Variants in RNF43 observed in about 807,000 individuals in gnomAD.
RNF43 encodes the protein E3 ubiquitin-protein ligase RNF43.
In RNF43, 37 loss-of-function variants were observed where a neutral mutation model predicts 78.4. The observed-to-expected ratio is 0.47, with a 90% confidence interval of 0.36 to 0.62. The LOEUF (loss-of-function observed/expected upper bound fraction) is 0.62. RNF43 is among the 20% of genes least tolerant of loss of function. RNF43 has a pLI of 0.00. For missense variants in RNF43, 774 were observed against 1,007.9 expected, an observed-to-expected ratio of 0.77 and a Z score of 3.14; for synonymous variants, 347 against 395.0, an observed-to-expected ratio of 0.88 and a Z score of 1.44.
intron 2 of RNF43, among the ~76,000 whole-genome samples, chr17:58,410,826 G>A (rs1050570890): frequency 1.3e-5 from 2 of 152,154 alleles, no homozygotes; most frequent in African/African-American, 4.8e-5. Flanking sequence ...AGCAGGATAT[G>A]ATGCACTCTG....
chr17:58,390,053 G>A (rs1973518109), intron 2 of RNF43, among the ~76,000 whole-genome samples: 1 of 152,108 alleles, frequency 6.6e-6, no homozygotes. Context: ...CGGGGTGCAG[G>A]GCAGCATGTC....
chr17:58,381,877 A>G (rs1973326533), intron 2 of RNF43, among the ~76,000 whole-genome samples: 1 of 151,418 alleles, frequency 6.6e-6, no homozygotes, highest in African/African-American at 2.4e-5. Context: ...TTCTCTTCCC[A>G]TGGACGTTTC....
intron 3 of RNF43, among the ~76,000 whole-genome samples, chr17:58,365,037 C>A (rs560378770): frequency 6.6e-6 from 1 of 152,334 alleles, no homozygotes; most frequent in African/African-American, 2.4e-5. Flanking sequence ...GAGCTAGGCC[C>A]AGCCTAGGGC....
intron 2 of RNF43, among the ~76,000 whole-genome samples, chr17:58,411,477 G>A (rs1024615845): frequency 2.6e-5 from 4 of 152,030 alleles, no homozygotes; most frequent in African/African-American, 9.7e-5. Context: ...AAAATTAAGA[G>A]GCAAGCAGAG....
Position 58,358,121 on chromosome 17 carries a change from C to T in RNF43, c.1655G>A (p.Arg552His), listed in dbSNP as rs778996473. Reference sequence around the variant, plus strand: ...CTTTTTGTAGTGGTGGTGCCGGTGGCGGTGGTAGTGGACATGGCTGGAAAC... The same window carrying T: ...CTTTTTGTAGTGGTGGTGCCGGTGGTGGTGGTAGTGGACATGGCTGGAAAC... ...TQVSSHVHYH[R>H]HRHHHYKKRF... is the part of the protein sequence containing the mutation. Residue 552 changes from arginine to histidine, a missense_variant, in exon 9 of 10, where the codon CGC becomes CAC. By Grantham distance (29) the Arg-to-His change is conservative. Transcript: ENST00000407977. This position sits in a 1 kb window ranked among gnomAD's most constrained non-coding sequence, Gnocchi z 6.2. 3 of 1,612,854 alleles carry T rather than the reference C, an allele frequency of 1.9e-6. No homozygotes were observed. Among genetic ancestry groups the T allele is most frequent in the East Asian group, 2.2e-5 (1 of 44,836 alleles).
At position 58,415,896 on chromosome 17, in the gene RNF43, C is replaced by T. The variant is rs934232728; in HGVS notation, c.-319G>A. The T allele has an allele frequency of 1.4e-5, 6 of 430,286 alleles. No homozygotes were observed. Among genetic ancestry groups the T allele is most frequent in the African/African-American group, 1.2e-4 (6 of 51,468 alleles). 26.7% of individuals were successfully genotyped at this position (430,286 alleles called of 1,614,324 possible). ...CAACTTTGCTTGTGATTGAATGTCA[C>T]TTCGTGAATTTGTATTATGTCAGAT... On this transcript the variant is annotated 5_prime_UTR_variant, in exon 2 of 10. In the 5' UTR this introduces an upstream ATG that the reference lacks. Coordinates refer to ENST00000407977, the MANE Select transcript of RNF43 (RefSeq NM_017763.6).
chr17:58,403,784 C>T (rs1055036835), intron 2 of RNF43, among the ~76,000 whole-genome samples: 10 of 152,202 alleles, frequency 6.6e-5, no homozygotes, highest in African/African-American at 2.4e-4. Flanking sequence ...CCACCAGCTG[C>T]TCTGAAATCT....
Position 58,357,305 on chromosome 17 carries a change from A to G in RNF43, c.2308+163T>C, listed in dbSNP as rs1398625417. On this transcript the variant is annotated intron_variant, in intron 9 of 9. Coordinates refer to ENST00000407977, the MANE Select transcript of RNF43 (RefSeq NM_017763.6). This position sits in a 1 kb window ranked among gnomAD's most constrained non-coding sequence, Gnocchi z 4.5. Reference sequence around the variant, plus strand: ...CAGAGGTGGGGTGTTCCTGCACTCTAGCCAGCATGATACGCTGTCCCGATG... The same window carrying G: ...CAGAGGTGGGGTGTTCCTGCACTCTGGCCAGCATGATACGCTGTCCCGATG... 3.3e-6 allele frequency: 3 copies of G among 904,932 alleles called. No homozygotes were observed. 56.1% of individuals were successfully genotyped at this position (904,932 alleles called of 1,614,324 possible).
Position 58,391,952 on chromosome 17 carries a change from AT to A in RNF43, c.253-20920del, listed in dbSNP as rs1263572156. Among the ~76,000 whole-genome samples, 5 of 151,794 alleles carry A rather than the reference AT, an allele frequency of 3.3e-5. No homozygotes were observed. The East Asian group carries it at 9.8e-4, about 30-fold the overall frequency. On this transcript the variant is annotated intron_variant, in intron 2 of 9. Coordinates refer to ENST00000407977, the MANE Select transcript of RNF43 (RefSeq NM_017763.6). ...CCTTTTGAAGCAGTTTAGGAGGTGT[AT>A]GTAAGAGTCTTTGCAGCTGGTAGCT...
At position 58,354,074 on chromosome 17, in the gene RNF43, AT is replaced by A; in HGVS notation, c.*868del. On this transcript the variant is annotated 3_prime_UTR_variant, in exon 10 of 10. Coordinates refer to ENST00000407977, the MANE Select transcript of RNF43 (RefSeq NM_017763.6). ...ACTTTGCTTTTCCTTTGTTGTCCCC[AT>A]TTTCCATCCTTGCTCTAAGACAAAA... The A allele has an allele frequency of 1.0e-5, 2 of 195,140 alleles. No individual in the cohort carries two copies. The highest frequency in any genetic ancestry group is 2.1e-5 in the Non-Finnish European group (2 of 93,422). The allele number at this position is 195,140 out of a possible 1,614,324, so 12.1% of individuals were successfully genotyped here.
rs192858167 is a variant in RNF43, at chr17:58,385,604, C to T, written c.253-14571G>A. Among the ~76,000 whole-genome samples the T allele has an allele frequency of 2.8e-4, 42 of 152,346 alleles. 1 individual carries two copies. In the East Asian group the frequency reaches 6.8e-3, roughly 25 times the overall value. Reference sequence around the variant, plus strand: ...AAGAACAATCTTCCTAGACACAGCACTGATCCTATCATTGCCCTGTTCAAA... The same window carrying T: ...AAGAACAATCTTCCTAGACACAGCATTGATCCTATCATTGCCCTGTTCAAA... On this transcript the variant is annotated intron_variant, in intron 2 of 9. Coordinates refer to ENST00000407977, the MANE Select transcript of RNF43 (RefSeq NM_017763.6).
At chr17:58,361,974 T>C (rs1972842632) in intron 6 of RNF43, among the ~76,000 whole-genome samples, 2 of 152,052 alleles carry the variant, frequency 1.3e-5, no homozygotes, top group Admixed American at 1.3e-4. Flanking sequence ...AGCTCCCAGC[T>C]ACTCGCGAGA....
chr17:58,392,570 C>T (rs1042205202), intron 2 of RNF43, among the ~76,000 whole-genome samples: 4 of 152,190 alleles, frequency 2.6e-5, no homozygotes, highest in Non-Finnish European at 5.9e-5. Flanking sequence ...ACTATCACTA[C>T]AACGATTCTC....
intron 2 of RNF43, among the ~76,000 whole-genome samples, chr17:58,388,670 TGTG>T (rs1266494619): frequency 6.6e-6 from 1 of 150,486 alleles, no homozygotes; most frequent in Non-Finnish European, 1.5e-5. Context: ...GGCCACATTG[TGTG>T]GTAAAGCCAA....
At chr17:58,363,176 C>T in intron 5 of RNF43, 99 bp downstream of exon 5, 10 of 1,440,882 alleles carry the variant, frequency 6.9e-6, no homozygotes, top group Non-Finnish European at 8.4e-6. Context: ...TTTCCAGGAT[C>T]TCTCGCAGCT....
At chr17:58,353,253 C>G (rs1972603833), downstream of RNF43, 1 of 219,324 alleles carries the variant, frequency 4.6e-6, no homozygotes, top group Non-Finnish European at 9.1e-6. Context: ...TGGATGTTTT[C>G]TATCACTGAA....
At chr17:58,387,785 GGCTCA>G (rs1170769492) in intron 2 of RNF43, among the ~76,000 whole-genome samples, 1 of 152,156 alleles carries the variant, frequency 6.6e-6, no homozygotes, top group Non-Finnish European at 1.5e-5. Context: ...TTCTGAATAT[GGCTCA>G]GCTAAGATAT....
chr17:58,414,093 T>C (rs915021851), intron 2 of RNF43, among the ~76,000 whole-genome samples: 11 of 152,224 alleles, frequency 7.2e-5, no homozygotes. Flanking sequence ...TTTCCAGATA[T>C]ACTCTTCTTT....
At position 58,358,190 on chromosome 17, in the gene RNF43, C is replaced by G. The variant is rs753874515; in HGVS notation, c.1586G>C (p.Arg529Pro). Residue 529 changes from arginine to proline, a missense_variant, in exon 9 of 10, where the codon CGG becomes CCG. Coordinates refer to ENST00000407977, the MANE Select transcript of RNF43 (RefSeq NM_017763.6). This position sits in a 1 kb window ranked among gnomAD's most constrained non-coding sequence, Gnocchi z 6.2. ...CACCACCGAGTCCAAGGAACGAGGC[C>G]GAGAGGTCACACTAGGCTGCATGTC... Reference protein sequence around the residue: ...RVDMQPSVTSRPRSLDSVVPT... With the variant: ...RVDMQPSVTSPPRSLDSVVPT... 1 of 1,612,586 alleles carries G rather than the reference C, an allele frequency of 6.2e-7. No individual in the cohort carries two copies. The highest frequency in any genetic ancestry group is 8.5e-7 in the Non-Finnish European group (1 of 1,179,270).
Sources: allele counts gnomAD v4.1 joint callset (sites outside exome capture counted in the v4.1 genomes callset), GRCh38; gene constraint gnomAD v4.1.1; non-coding constraint Gnocchi (gnomAD v3.1); transcripts MANE v1.5; gene names NCBI Gene and HGNC (gene_info 2026-07-23, HGNC 2026-07-21).